Variants in INSYN2A observed in about 807,000 individuals in gnomAD.
The protein encoded by INSYN2A is inhibitory synaptic factor 2A.
A neutral mutation model predicts 39.4 loss-of-function variants in INSYN2A; 17 were observed. That is an observed-to-expected ratio of 0.43 (90% CI 0.30 to 0.65). The LOEUF (loss-of-function observed/expected upper bound fraction) is 0.65. INSYN2A is among the 30% of genes least tolerant of loss of function. The pLI, the probability that INSYN2A is intolerant of heterozygous loss-of-function variation, is 0.14. For missense variants in INSYN2A, 595 were observed against 631.2 expected, an observed-to-expected ratio of 0.94 and a Z score of 0.61; for synonymous variants, 255 against 265.7, an observed-to-expected ratio of 0.96 and a Z score of 0.39.
At chr10:127,162,080 G>A (rs771347670) in intron 4 of INSYN2A, among the ~76,000 whole-genome samples, 9 of 152,096 alleles carry the variant, frequency 5.9e-5, no homozygotes, top group African/African-American at 1.7e-4. Context: ...ACGTTAATGC[G>A]ATTTGATATT....
intron 4 of INSYN2A, among the ~76,000 whole-genome samples, chr10:127,157,616 A>G (rs1430386070): frequency 6.6e-6 from 1 of 152,212 alleles, no homozygotes; most frequent in Non-Finnish European, 1.5e-5. Flanking sequence ...GTTGGTAAGA[A>G]CCAAAGGAGT....
chr10:127,180,442 T>C (rs1297418878), intron 2 of INSYN2A, among the ~76,000 whole-genome samples: 1 of 152,246 alleles, frequency 6.6e-6, no homozygotes. Context: ...TAGAATTCAT[T>C]GGACTGTGCT....
chr10:127,182,838 C>T (rs976068576), intron 2 of INSYN2A, among the ~76,000 whole-genome samples: 1 of 151,962 alleles, frequency 6.6e-6, no homozygotes, highest in African/African-American at 2.4e-5. Flanking sequence ...TTGAACACAG[C>T]TCATGAGTAC....
At chr10:127,149,812 T>C (rs146561434) in intron 5 of INSYN2A, among the ~76,000 whole-genome samples, 211 of 152,324 alleles carry the variant, frequency 1.4e-3, no homozygotes, top group African/African-American at 4.9e-3. Context: ...TTGAAATTCC[T>C]TTAAGCTACC....
Position 127,137,208 on chromosome 10 carries a change from T to C in INSYN2A, c.*629A>G, listed in dbSNP as rs2050776151. On this transcript the variant is annotated 3_prime_UTR_variant, in exon 6 of 6. Transcript: ENST00000522781. Reference sequence around the variant, plus strand: ...GTCTGGAGATGAAGAGGATGCTAAATTTGAGGTGTCGTTGTGACACTGAGA... The same window carrying C: ...GTCTGGAGATGAAGAGGATGCTAAACTTGAGGTGTCGTTGTGACACTGAGA... 1 of 152,634 alleles carries C rather than the reference T, an allele frequency of 6.6e-6. No individual in the cohort carries two copies. Among genetic ancestry groups the C allele is most frequent in the Non-Finnish European group, 1.5e-5 (1 of 68,040 alleles). 9.5% of individuals were successfully genotyped at this position (152,634 alleles called of 1,614,324 possible).
rs1165217881 is a variant in INSYN2A at position 127,196,331 on chromosome 10, G to C, written c.-729C>G. On this transcript the variant is annotated 5_prime_UTR_variant, in exon 1 of 6. Transcript: ENST00000522781. Reference sequence around the variant, plus strand: ...TCCGGGGACGCCCGCGCGCTCGCTTGCTCGCGACGCGGCGGAGCCAGCCAC... The same window carrying C: ...TCCGGGGACGCCCGCGCGCTCGCTTCCTCGCGACGCGGCGGAGCCAGCCAC... Among the ~76,000 whole-genome samples, 1 of 148,778 alleles carries C rather than the reference G, an allele frequency of 6.7e-6. No individual in the cohort carries two copies. Among genetic ancestry groups the C allele is most frequent in the Admixed American group, 6.7e-5 (1 of 14,954 alleles).
At position 127,196,062 on chromosome 10, in the gene INSYN2A, C is replaced by A. The variant is rs1297920937; in HGVS notation, c.-460G>T. On this transcript the variant is annotated 5_prime_UTR_variant, in exon 1 of 6. Coordinates refer to ENST00000522781, the MANE Select transcript of INSYN2A (RefSeq NM_001039762.3). ...TGGCTCGGGCATGTCTCGCTGCGGA[C>A]CCTGGCAAGCCTGGGGCGGCACGGA... 1 of 152,158 alleles carries A rather than the reference C, an allele frequency of 6.6e-6. No homozygotes were observed. The highest frequency in any genetic ancestry group is 1.5e-5 in the Non-Finnish European group (1 of 68,086). The allele number at this position is 152,158 out of a possible 1,614,324, so 9.4% of individuals were successfully genotyped here. A position where few individuals can be genotyped will look rare whatever the true frequency, so the allele number is the denominator to read the frequency against.
In INSYN2A at chr10:127,135,633, T is replaced by A. The variant is rs1440498990; in HGVS notation, c.*2204A>T. ...GACGTGTTGCAATTAAACTATGAAA[T>A]GATTTTGACAATAGTTTTTCTATTT... On this transcript the variant is annotated 3_prime_UTR_variant, in exon 6 of 6. Transcript: ENST00000522781. 6.5e-6 allele frequency: 1 copy of A among 152,674 alleles called. No individual in the cohort carries two copies. The highest frequency in any genetic ancestry group is 1.9e-4 in the East Asian group (1 of 5,200). 9.5% of individuals were successfully genotyped at this position (152,674 alleles called of 1,614,324 possible).
At chr10:127,143,933 C>T (rs951434990) in intron 5 of INSYN2A, among the ~76,000 whole-genome samples, 1 of 152,204 alleles carries the variant, frequency 6.6e-6, no homozygotes, top group Non-Finnish European at 1.5e-5. Flanking sequence ...CAGCCTGCAT[C>T]TCTGTCCTTC....
chr10:127,163,799 C>CA (rs1210847976), intron 4 of INSYN2A, among the ~76,000 whole-genome samples: 1 of 129,228 alleles, frequency 7.7e-6, no homozygotes, highest in African/African-American at 2.9e-5. Flanking sequence ...TAAAGCCTTC[C>CA]TTTTTTTTTT....
At chr10:127,182,215 G>C (rs889494395) in intron 2 of INSYN2A, among the ~76,000 whole-genome samples, 1 of 152,194 alleles carries the variant, frequency 6.6e-6, no homozygotes, top group Non-Finnish European at 1.5e-5. Flanking sequence ...CACTCACAGA[G>C]GTTAAATGTA....
At chr10:127,161,347 C>CTAA (rs2053578592) in intron 4 of INSYN2A, among the ~76,000 whole-genome samples, 1 of 152,150 alleles carries the variant, frequency 6.6e-6, no homozygotes, top group Non-Finnish European at 1.5e-5. Flanking sequence ...TAGTCAAAGG[C>CTAA]GGTACTGGCT....
At chr10:127,180,232 A>C (rs2055596837) in intron 2 of INSYN2A, among the ~76,000 whole-genome samples, 1 of 152,214 alleles carries the variant, frequency 6.6e-6, no homozygotes, top group Non-Finnish European at 1.5e-5. Context: ...TAGTTCCGGT[A>C]ACACAGTGGG....
chr10:127,164,729 C>G (rs2053927536), intron 4 of INSYN2A, among the ~76,000 whole-genome samples: 1 of 152,104 alleles, frequency 6.6e-6, no homozygotes. Context: ...AATATAAAAT[C>G]ATAACATAAA....
chr10:127,166,097 G>A (rs1459704947), intron 4 of INSYN2A, among the ~76,000 whole-genome samples: 8 of 151,906 alleles, frequency 5.3e-5, no homozygotes, highest in Non-Finnish European at 1.0e-4. Flanking sequence ...ACAGAGTCTC[G>A]CTCTGTAGCG....
intron 4 of INSYN2A, among the ~76,000 whole-genome samples, chr10:127,157,154 A>G (rs2053164061): frequency 1.3e-5 from 2 of 152,186 alleles, no homozygotes; most frequent in South Asian, 4.1e-4. Flanking sequence ...GTGAAGCAGT[A>G]TTTTGGTCTA....
chr10:127,163,247 G>A (rs1457029877), intron 4 of INSYN2A, among the ~76,000 whole-genome samples: 4 of 152,192 alleles, frequency 2.6e-5, no homozygotes, highest in Non-Finnish European at 4.4e-5. Context: ...CGGGGCTTGA[G>A]GTGCATCAGC....
At chr10:127,169,151 T>C (rs755598137) in intron 4 of INSYN2A, among the ~76,000 whole-genome samples, 1 of 152,338 alleles carries the variant, frequency 6.6e-6, no homozygotes, top group African/African-American at 2.4e-5. Flanking sequence ...TTCCAAGAGA[T>C]GCTGTCATAT....
chr10:127,159,212 T>C (rs753618840), intron 4 of INSYN2A, among the ~76,000 whole-genome samples: 1 of 152,194 alleles, frequency 6.6e-6, no homozygotes, highest in Non-Finnish European at 1.5e-5. Flanking sequence ...TACATTTCTG[T>C]TTTGTAGTGA....
Sources: allele counts gnomAD v4.1 joint callset (sites outside exome capture counted in the v4.1 genomes callset), GRCh38; gene constraint gnomAD v4.1.1; transcripts MANE v1.5; gene names NCBI Gene and HGNC (gene_info 2026-07-23, HGNC 2026-07-21).